Variants in ATP6V0C observed in about 807,000 individuals in gnomAD.
ATP6V0C encodes ATPase H+ transporting V0 subunit c.
ATP6V0C carries 2 observed loss-of-function variants against 10.6 expected under a neutral mutation model. The observed-to-expected ratio is 0.19, with a 90% CI of 0.08 to 0.59. The LOEUF (loss-of-function observed/expected upper bound fraction) is 0.59. Among genes scored for constraint, ATP6V0C ranks in the 20% least tolerant of loss-of-function variants. The pLI, the probability that ATP6V0C is intolerant of heterozygous loss-of-function variation, is 0.90. For synonymous variants in ATP6V0C, 128 were observed against 101.3 expected, an observed-to-expected ratio of 1.26 and a Z score of -1.59; for missense variants, 89 against 225.9, an observed-to-expected ratio of 0.39 and a Z score of 3.88.
rs2065896315 is a variant in ATP6V0C at position 2,519,421 on chromosome 16, C to T, written c.263+20C>T. 5 of 1,604,030 alleles carry T rather than the reference C, an allele frequency of 3.1e-6. No homozygotes were observed. In the South Asian group the frequency reaches 3.3e-5, roughly 11 times the overall value. The stretch of plus-strand genomic sequence containing the variant: ...CTACAAGTGAGCACTGGGGTCAGGC[C>T]CCTGCCCAGGGCTGGAGGACTGCAG... On this transcript the variant is annotated intron_variant, in intron 2 of 2. Transcript: ENST00000330398.
intron 1 of ATP6V0C, chr16:2,516,748 G>C (rs536786657): frequency 6.6e-6 from 1 of 152,406 alleles, no homozygotes; most frequent in Non-Finnish European, 1.5e-5. Context: ...CCCTGCTGGC[G>C]AGTGCCTTGT....
In ATP6V0C at chr16:2,519,905, G is replaced by GT; in HGVS notation, c.*160_*161insT. On this transcript the variant is annotated 3_prime_UTR_variant, in exon 3 of 3. Coordinates refer to ENST00000330398, the MANE Select transcript of ATP6V0C (RefSeq NM_001694.4). ...GCCCATCGTCTGTTTCCCCGGCCTT[G>GT]CCCCCGCCCGCCCCGTGCCGTGGAC... 1 of 1,016,260 alleles carries GT rather than the reference G, an allele frequency of 9.8e-7. No homozygotes were observed. 63.0% of individuals were successfully genotyped at this position (1,016,260 alleles called of 1,614,324 possible).
intron 1 of ATP6V0C, chr16:2,516,543 G>C (rs1596983493): frequency 6.6e-6 from 1 of 152,528 alleles, no homozygotes; most frequent in South Asian, 2.1e-4. Flanking sequence ...ACCTCCAGCT[G>C]TGTCCCCAGC....
intron 1 of ATP6V0C, 26 bp downstream of exon 1, chr16:2,514,208 G>T: frequency 6.6e-7 from 1 of 1,525,172 alleles, no homozygotes; most frequent in East Asian, 2.7e-5. Context: ...GGAGGGACTC[G>T]GGGGCGGGGG....
intron 1 of ATP6V0C, chr16:2,517,509 C>T (rs1010352514): frequency 2.6e-5 from 4 of 152,594 alleles, no homozygotes; most frequent in African/African-American, 9.6e-5. Context: ...AGCCCTTCCC[C>T]AGCACCCCCT....
At chr16:2,518,271 T>C (rs1182988716) in intron 1 of ATP6V0C, among the ~76,000 whole-genome samples, 2 of 152,188 alleles carry the variant, frequency 1.3e-5, no homozygotes, top group Admixed American at 6.5e-5. Flanking sequence ...ACTTTGAGAA[T>C]AGGGCCCAGG....
intron 1 of ATP6V0C, chr16:2,517,899 G>C (rs1444953452): frequency 6.6e-6 from 1 of 152,206 alleles, no homozygotes. Context: ...CCTAGTAACT[G>C]GGATGACAGG....
In ATP6V0C at chr16:2,519,946, T is replaced by A. The variant is rs915399102; in HGVS notation, c.*201T>A. The A allele has an allele frequency of 2.2e-5, 17 of 769,682 alleles. No individual in the cohort carries two copies. The African/African-American group carries it at 3.0e-4, about 14-fold the overall frequency. 47.7% of individuals were successfully genotyped at this position (769,682 alleles called of 1,614,324 possible). On this transcript the variant is annotated 3_prime_UTR_variant, in exon 3 of 3. Coordinates refer to ENST00000330398, the MANE Select transcript of ATP6V0C (RefSeq NM_001694.4). The stretch of plus-strand genomic sequence containing the variant: ...TGCCGTGGACATCTGGGCCCACTCA[T>A]CGCCCCTCCAGGCCCCCGGCGCCCC...
intron 1 of ATP6V0C, 111 bp from the exon 2 acceptor site, chr16:2,519,107 G>A: frequency 7.9e-7 from 1 of 1,263,970 alleles, no homozygotes; most frequent in Non-Finnish European, 1.1e-6. Flanking sequence ...CTCCCCCTCT[G>A]CATGTGATAA....
chr16:2,514,042 C>A lies in ATP6V0C; in HGVS notation c.-62C>A. 1 of 1,473,548 alleles carries A rather than the reference C, an allele frequency of 6.8e-7. No homozygotes were observed. The highest frequency in any genetic ancestry group is 9.2e-7 in the Non-Finnish European group (1 of 1,088,554). The allele number at this position is 1,473,548 out of a possible 1,614,324, so 91.3% of individuals were successfully genotyped here. A position where few individuals can be genotyped will look rare whatever the true frequency, so the allele number is the denominator to read the frequency against. Reference sequence around the variant, plus strand: ...CCGCAAACCTTCGTGCCCGGCCCGTCCTCGCCCCCGCCTCCGCCACCGCCT... The same window carrying A: ...CCGCAAACCTTCGTGCCCGGCCCGTACTCGCCCCCGCCTCCGCCACCGCCT... On this transcript the variant is annotated 5_prime_UTR_variant, in exon 1 of 3. Transcript: ENST00000330398.
chr16:2,514,625 G>C (rs886510716), intron 1 of ATP6V0C, among the ~76,000 whole-genome samples: 1 of 152,166 alleles, frequency 6.6e-6, no homozygotes, highest in Non-Finnish European at 1.5e-5. Context: ...GGAACGCCCA[G>C]CCGGTCGCTG....
rs966080139 is a variant in ATP6V0C, at chr16:2,520,205, G to A, written c.*460G>A. On this transcript the variant is annotated 3_prime_UTR_variant, in exon 3 of 3. Transcript: ENST00000330398. Reference sequence around the variant, plus strand: ...CCTGCGCGGAGCTGTGTCCAATAAAGTTCTTGGATGTGACGGGCCTGTGTC... The same window carrying A: ...CCTGCGCGGAGCTGTGTCCAATAAAATTCTTGGATGTGACGGGCCTGTGTC... The A allele has an allele frequency of 1.1e-5, 5 of 443,986 alleles. No homozygotes were observed. Among genetic ancestry groups the A allele is most frequent in the South Asian group, 1.0e-4 (4 of 38,918 alleles). 27.5% of individuals were successfully genotyped at this position (443,986 alleles called of 1,614,324 possible).
Position 2,519,656 on chromosome 16 carries a change from C to G in ATP6V0C, c.379C>G (p.Leu127Val). ...GCGGGGCACCGCCCAGCAGCCCCGA[C>G]TATTCGTGGGCATGATCCTGATTCT... is the stretch of plus-strand genomic sequence containing the variant. Reference protein sequence around the residue: ...GVRGTAQQPRLFVGMILILIF... With the variant: ...GVRGTAQQPRVFVGMILILIF... Residue 127 changes from leucine to valine, a missense_variant, in exon 3 of 3, where the codon CTA (leucine) becomes GTA (valine). Leu to Val is a conservative substitution (Grantham distance 32). Transcript: ENST00000330398. 6.2e-7 allele frequency: 1 copy of G among 1,611,948 alleles called. No individual in the cohort carries two copies. Among genetic ancestry groups the G allele is most frequent in the Non-Finnish European group, 8.5e-7 (1 of 1,178,380 alleles).
At position 2,519,796 on chromosome 16, in the gene ATP6V0C, C is replaced by T. The variant is rs773770366; in HGVS notation, c.*51C>T. The T allele has an allele frequency of 3.5e-5, 55 of 1,580,006 alleles. No individual in the cohort carries two copies. The highest frequency in any genetic ancestry group is 4.6e-5 in the Non-Finnish European group (53 of 1,156,024). On this transcript the variant is annotated 3_prime_UTR_variant, in exon 3 of 3. Coordinates refer to ENST00000330398, the MANE Select transcript of ATP6V0C (RefSeq NM_001694.4). ...GAATATTATGTAAAGACCACCCCTC[C>T]TCATTCCAGAACGAACAGCCTGACA...
intron 1 of ATP6V0C, among the ~76,000 whole-genome samples, chr16:2,514,844 C>T (rs1255398132): frequency 2.0e-5 from 3 of 152,116 alleles, no homozygotes; most frequent in Non-Finnish European, 2.9e-5. Flanking sequence ...CCCGCGGAGA[C>T]CCGGGTGGGA....
intron 1 of ATP6V0C, among the ~76,000 whole-genome samples, chr16:2,518,594 G>C (rs2065889423): frequency 6.6e-6 from 1 of 152,258 alleles, no homozygotes; most frequent in Admixed American, 6.5e-5. Context: ...CAGGCCTGCT[G>C]TGTGGCTGAG....
At position 2,514,067 on chromosome 16, in the gene ATP6V0C, T is replaced by C; in HGVS notation, c.-37T>C. The C allele has an allele frequency of 6.6e-7, 1 of 1,515,812 alleles. No individual in the cohort carries two copies. The allele number at this position is 1,515,812 out of a possible 1,614,324, so 93.9% of individuals were successfully genotyped here. ...CCTCGCCCCCGCCTCCGCCACCGCCTCGGCCCGCAGAGCTTGCCCCCTCCC... is the reference window on the plus strand; with the variant it reads ...CCTCGCCCCCGCCTCCGCCACCGCCCCGGCCCGCAGAGCTTGCCCCCTCCC... On this transcript the variant is annotated 5_prime_UTR_variant, in exon 1 of 3. Coordinates refer to ENST00000330398, the MANE Select transcript of ATP6V0C (RefSeq NM_001694.4).
intron 1 of ATP6V0C, among the ~76,000 whole-genome samples, chr16:2,515,767 G>A (rs563638831): frequency 6.6e-6 from 1 of 152,292 alleles, no homozygotes; most frequent in South Asian, 2.1e-4. Context: ...TTGATTGAGC[G>A]CTTACTATGT....
chr16:2,519,489 T>C, intron 2 of ATP6V0C, 52 bp from the exon 3 acceptor site: 1 of 1,546,418 alleles, frequency 6.5e-7, no homozygotes, highest in Non-Finnish European at 8.7e-7. Flanking sequence ...CGGACCCTTG[T>C]CTCCCCCTGG....
Sources: allele counts gnomAD v4.1 joint callset (sites outside exome capture counted in the v4.1 genomes callset), GRCh38; gene constraint gnomAD v4.1.1; transcripts MANE v1.5; gene names NCBI Gene and HGNC (gene_info 2026-07-23, HGNC 2026-07-21).